AP3M1: variants seen among roughly 807,000 people sequenced by gnomAD.
The protein encoded by AP3M1 is adaptor related protein complex 3 subunit mu 1, also known as AP-3 complex subunit mu-1.
A neutral mutation model predicts 42.6 loss-of-function variants in AP3M1; 29 were observed. The ratio of observed to expected loss-of-function variants is 0.68; its 90% CI spans 0.51 to 0.93. AP3M1 has a LOEUF of 0.93. Ranked by LOEUF, AP3M1 falls within the 40% of genes least tolerant of loss-of-function variation. The pLI, the probability that AP3M1 is intolerant of heterozygous loss-of-function variation, is 0.00. For missense variants in AP3M1, 416 were observed against 510.2 expected (o/e 0.82, Z 1.78); for synonymous variants, 178 against 175.3 (o/e 1.02, Z -0.12).
At chr10:74,140,338 G>A (rs1372827801) in intron 1 of AP3M1, among the ~76,000 whole-genome samples, 2 of 152,264 alleles carry the variant, frequency 1.3e-5, no homozygotes, top group Non-Finnish European at 2.9e-5. Flanking sequence ...CCTTACACCT[G>A]TAACCGGTGG....
chr10:74,135,761 G>A (rs916881576), intron 3 of AP3M1, among the ~76,000 whole-genome samples: 2 of 151,866 alleles, frequency 1.3e-5, no homozygotes, highest in Non-Finnish European at 2.9e-5. Context: ...TTTTTCCAAT[G>A]TCCCATTCAG....
chr10:74,147,208 C>T (rs1306810798), intron 1 of AP3M1, among the ~76,000 whole-genome samples: 3 of 152,076 alleles, frequency 2.0e-5, no homozygotes, highest in Non-Finnish European at 2.9e-5. Context: ...TCGCTTGAAC[C>T]CGGGAGGTGG....
intron 1 of AP3M1, among the ~76,000 whole-genome samples, chr10:74,148,897 G>C (rs1272047823): frequency 6.7e-6 from 1 of 148,702 alleles, no homozygotes; most frequent in Admixed American, 6.7e-5. Flanking sequence ...TTTTTGAGAC[G>C]GAGTCTTACT....
At chr10:74,149,361 C>T (rs936452525) in intron 1 of AP3M1, among the ~76,000 whole-genome samples, 25 of 129,196 alleles carry the variant, frequency 1.9e-4, no homozygotes, top group Non-Finnish European at 6.3e-5. Flanking sequence ...GAGGTCTCAG[C>T]TTACTGCAAC....
chr10:74,123,939 A>G, intron 8 of AP3M1, 29 bp from the exon 9 acceptor site: 1 of 1,568,140 alleles, frequency 6.4e-7, no homozygotes, highest in Non-Finnish European at 8.8e-7. Context: ...AAAAGAATAA[A>G]TTATCATCAT....
Position 74,123,541 on chromosome 10 carries a change from C to G in AP3M1, c.*269G>C. The G allele has an allele frequency of 2.1e-6, 1 of 474,604 alleles. No homozygotes were observed. Among genetic ancestry groups the G allele is most frequent in the South Asian group, 2.7e-5 (1 of 37,368 alleles). 29.4% of individuals were successfully genotyped at this position (474,604 alleles called of 1,614,324 possible). A position where few individuals can be genotyped will look rare whatever the true frequency, so the allele number is the denominator to read the frequency against. On this transcript the variant is annotated 3_prime_UTR_variant, in exon 9 of 9. Transcript: ENST00000355264. ...TGCCTTTACTGTTACAATGTGCAGCCGCCAGATGGTATCCTCCTATGGAAA... is the reference window on the plus strand; with the variant it reads ...TGCCTTTACTGTTACAATGTGCAGCGGCCAGATGGTATCCTCCTATGGAAA...
Position 74,124,524 on chromosome 10 carries a change from C to T in AP3M1, c.1012G>A (p.Val338Ile), listed in dbSNP as rs1267513735. ...GSYTFDPVTKVLTWDVGKITP... is the reference protein window; with the variant it reads ...GSYTFDPVTKILTWDVGKITP... ...ATTTTTCCCACATCCCATGTTAGTA[C>T]CTTAAAAAGACAAAAAATGAAAAAC... Residue 338 changes from valine (V) to isoleucine (I), a missense_variant and splice_region_variant, in exon 8 of 9, where the codon GTA (valine) becomes ATA (isoleucine). Coordinates refer to ENST00000355264, the MANE Select transcript of AP3M1 (RefSeq NM_012095.6). 7.0e-6 allele frequency: 11 copies of T among 1,578,172 alleles called. No individual in the cohort carries two copies. Among genetic ancestry groups the T allele is most frequent in the Non-Finnish European group, 9.4e-6 (11 of 1,168,320 alleles).
At chr10:74,140,844 A>C (rs1216951408) in intron 1 of AP3M1, among the ~76,000 whole-genome samples, 1 of 152,230 alleles carries the variant, frequency 6.6e-6, no homozygotes, top group Non-Finnish European at 1.5e-5. Flanking sequence ...CACATACAAA[A>C]GAATGAAATT....
intron 3 of AP3M1, among the ~76,000 whole-genome samples, chr10:74,136,194 T>A (rs1159121924): frequency 6.6e-6 from 1 of 152,226 alleles, no homozygotes; most frequent in East Asian, 1.9e-4. Context: ...TGTAGTACTG[T>A]GTGGTTAAGC....
intron 1 of AP3M1, among the ~76,000 whole-genome samples, chr10:74,146,674 G>A (rs559149385): frequency 6.6e-6 from 1 of 152,174 alleles, no homozygotes; most frequent in Non-Finnish European, 1.5e-5. Context: ...TACCCTTCTG[G>A]TGCTTTAGAG....
chr10:74,144,368 G>A (rs1436322742), intron 1 of AP3M1, among the ~76,000 whole-genome samples: 2 of 151,852 alleles, frequency 1.3e-5, no homozygotes, highest in African/African-American at 4.8e-5. Context: ...GAGCCCAAGC[G>A]ATCCTCCCAC....
intron 3 of AP3M1, among the ~76,000 whole-genome samples, chr10:74,135,747 A>AT (rs1313678868): frequency 3.9e-5 from 6 of 152,090 alleles, no homozygotes; most frequent in Middle Eastern, 3.4e-3. Flanking sequence ...TATTTACTTA[A>AT]TTTTTTTTCC....
Position 74,138,518 on chromosome 10 carries a change from C to T in AP3M1, c.-3-136G>A, listed in dbSNP as rs148950364. ...GGTTCAACATACAAAAATCAATCAA[C>T]ATGATATACAATAAGAACTAAAACA... is the stretch of plus-strand genomic sequence containing the variant. On this transcript the variant is annotated intron_variant, in intron 1 of 8. Coordinates refer to ENST00000355264, the MANE Select transcript of AP3M1 (RefSeq NM_012095.6). The T allele has an allele frequency of 2.1e-4, 125 of 600,402 alleles. No homozygotes were observed. In the African/African-American group the frequency reaches 2.3e-3, roughly 11 times the overall value. 37.2% of individuals were successfully genotyped at this position (600,402 alleles called of 1,614,324 possible). A position where few individuals can be genotyped will look rare whatever the true frequency, so the allele number is the denominator to read the frequency against.
In AP3M1 at chr10:74,137,752, T is replaced by C. The variant is rs543569353; in HGVS notation, c.273+355A>G. 6.6e-5 allele frequency among the ~76,000 whole-genome samples: 10 copies of C among 152,342 alleles called. No homozygotes were observed. In the South Asian group the frequency reaches 1.4e-3, roughly 22 times the overall value. ...CTTGTAATATCTAACACAGTGTAAA[T>C]GCTATGTAACTATTTGTTATACTGT... is the stretch of plus-strand genomic sequence containing the variant. On this transcript the variant is annotated intron_variant, in intron 2 of 8. Coordinates refer to ENST00000355264, the MANE Select transcript of AP3M1 (RefSeq NM_012095.6).
At chr10:74,135,958 G>A (rs1274787541) in intron 3 of AP3M1, among the ~76,000 whole-genome samples, 2 of 152,160 alleles carry the variant, frequency 1.3e-5, no homozygotes, top group Non-Finnish European at 2.9e-5. Context: ...AGTTGGAGTG[G>A]CATATAACAT....
chr10:74,131,414 G>A (rs546019446), intron 4 of AP3M1, among the ~76,000 whole-genome samples: 4 of 152,122 alleles, frequency 2.6e-5, no homozygotes, highest in South Asian at 2.1e-4. Flanking sequence ...TGATCCACCC[G>A]CCTCAGCCTC....
intron 4 of AP3M1, among the ~76,000 whole-genome samples, chr10:74,132,290 G>A (rs1168481330): frequency 8.6e-5 from 13 of 151,108 alleles, no homozygotes; most frequent in African/African-American, 2.9e-4. Flanking sequence ...TGCCTGCCTC[G>A]GCCTCCCAAA....
At chr10:74,127,231 A>C (rs1282170788) in intron 6 of AP3M1, among the ~76,000 whole-genome samples, 1 of 152,114 alleles carries the variant, frequency 6.6e-6, no homozygotes, top group African/African-American at 2.4e-5. Flanking sequence ...CAGTACCTCT[A>C]GAACTGCAGA....
chr10:74,125,034 G>A (rs1444187528), intron 7 of AP3M1, among the ~76,000 whole-genome samples: 1 of 152,004 alleles, frequency 6.6e-6, no homozygotes, highest in Non-Finnish European at 1.5e-5. Flanking sequence ...AGGATGGAGT[G>A]CAATGGTGCA....
Sources: gnomAD v4.1 joint callset for allele counts (sites outside exome capture counted in the v4.1 genomes callset) on GRCh38, gnomAD v4.1.1 for gene constraint, MANE v1.5 for transcripts, NCBI Gene and HGNC (gene_info 2026-07-23, HGNC 2026-07-21) for gene names.